SPAG16: variants seen among roughly 807,000 people sequenced by gnomAD.
SPAG16 encodes the protein sperm-associated antigen 16 protein.
A neutral mutation model predicts 80.4 loss-of-function variants in SPAG16; 86 were observed. The ratio of observed to expected loss-of-function variants is 1.07; its 90% CI spans 0.90 to 1.28. The LOEUF (loss-of-function observed/expected upper bound fraction) is 1.28. Among genes scored for constraint, SPAG16 ranks in the 50% most tolerant of loss-of-function variants. SPAG16 has a pLI of 0.00. For synonymous variants in SPAG16, 294 were observed against 265.9 expected, an observed-to-expected ratio of 1.11 and a Z score of -1.03; for missense variants, 870 against 765.3, an observed-to-expected ratio of 1.14 and a Z score of -1.61.
intron 15 of SPAG16, among the ~76,000 whole-genome samples, chr2:214,290,600 A>T (rs545772790): frequency 5.9e-5 from 9 of 152,172 alleles, no homozygotes; most frequent in African/African-American, 1.9e-4. Flanking sequence ...ATTTCAAGAA[A>T]TTTTTTGATT....
intron 13 of SPAG16, among the ~76,000 whole-genome samples, chr2:214,091,040 T>C (rs1368416046): frequency 5.9e-5 from 9 of 152,076 alleles, no homozygotes; most frequent in African/African-American, 1.9e-4. Flanking sequence ...AAATGTTTCA[T>C]GTGTGATAAA....
chr2:213,526,170 T>G (rs1575840130), intron 10 of SPAG16, among the ~76,000 whole-genome samples: 1 of 152,158 alleles, frequency 6.6e-6, no homozygotes, highest in East Asian at 1.9e-4. Flanking sequence ...TTATTCACCC[T>G]CCTATGCACT....
intron 9 of SPAG16, among the ~76,000 whole-genome samples, chr2:213,434,070 G>A (rs1273057314): frequency 6.6e-6 from 1 of 151,732 alleles, no homozygotes; most frequent in Non-Finnish European, 1.5e-5. Context: ...ACAGGCACCC[G>A]CCATGACCGG....
intron 3 of SPAG16, among the ~76,000 whole-genome samples, chr2:213,305,387 A>T (rs1211491197): frequency 6.6e-6 from 1 of 152,114 alleles, no homozygotes; most frequent in Non-Finnish European, 1.5e-5. Flanking sequence ...GACTTCCAGT[A>T]CTATGTTGAA....
intron 15 of SPAG16, among the ~76,000 whole-genome samples, chr2:214,187,626 G>A (rs1219979112): frequency 6.6e-6 from 1 of 151,924 alleles, no homozygotes; most frequent in African/African-American, 2.4e-5. Flanking sequence ...CACTGTAGCA[G>A]AAGACAGCAA....
At chr2:213,981,088 T>A (rs2045725451) in intron 12 of SPAG16, among the ~76,000 whole-genome samples, 1 of 152,078 alleles carries the variant, frequency 6.6e-6, no homozygotes, top group Non-Finnish European at 1.5e-5. Flanking sequence ...CTGACTCACT[T>A]CTTGTTGATA....
intron 11 of SPAG16, among the ~76,000 whole-genome samples, chr2:213,911,611 TTGA>T (rs1251674461): frequency 1.3e-5 from 2 of 152,294 alleles, no homozygotes; most frequent in African/African-American, 4.8e-5. Flanking sequence ...TGTCCCAAAC[TTGA>T]TGATTATTTG....
chr2:213,348,193 C>A (rs1333046758), intron 6 of SPAG16, among the ~76,000 whole-genome samples: 3 of 152,122 alleles, frequency 2.0e-5, no homozygotes, highest in African/African-American at 7.2e-5. Flanking sequence ...TTATCAGAGA[C>A]TAGGATTGCA....
chr2:213,547,937 G>C (rs1463136474), intron 10 of SPAG16, among the ~76,000 whole-genome samples: 1 of 152,024 alleles, frequency 6.6e-6, no homozygotes, highest in Admixed American at 6.6e-5. Context: ...GTAGTATTAC[G>C]TTGTATAATA....
intron 10 of SPAG16, among the ~76,000 whole-genome samples, chr2:213,605,268 ATT>A (rs34856658): frequency 0.062 from 8,634 of 139,288 alleles, 772 homozygotes; most frequent in African/African-American, 0.21. Context: ...TTTGGAATGC[ATT>A]TTTTTTTTTT....
chr2:213,383,138 C>T (rs1310075296), intron 9 of SPAG16, among the ~76,000 whole-genome samples: 4 of 152,114 alleles, frequency 2.6e-5, no homozygotes, highest in African/African-American at 7.2e-5. Flanking sequence ...TAAGATTCTA[C>T]TCCTGTCTCT....
intron 9 of SPAG16, among the ~76,000 whole-genome samples, chr2:213,390,241 G>A (rs768848561): frequency 6.6e-5 from 10 of 152,114 alleles, no homozygotes; most frequent in South Asian, 4.1e-4. Context: ...GAGGGAATGA[G>A]GAGTTACTGT....
At chr2:214,062,746 A>G (rs568910202) in intron 13 of SPAG16, among the ~76,000 whole-genome samples, 5 of 149,488 alleles carry the variant, frequency 3.3e-5, no homozygotes, top group African/African-American at 9.9e-5. Flanking sequence ...TTCTTGCAAC[A>G]TGTGACTCTG....
chr2:214,109,893 T>C (rs780967385), intron 14 of SPAG16, among the ~76,000 whole-genome samples: 3 of 152,204 alleles, frequency 2.0e-5, no homozygotes, highest in Non-Finnish European at 4.4e-5. Context: ...TAGCTTCACA[T>C]GCCCTACAAA....
chr2:213,549,744 C>T (rs956401964), intron 10 of SPAG16, among the ~76,000 whole-genome samples: 2 of 152,132 alleles, frequency 1.3e-5, no homozygotes, highest in Non-Finnish European at 2.9e-5. Flanking sequence ...TCAATATCTG[C>T]TAATATGCAT....
At chr2:214,269,155 C>A (rs976013925) in intron 15 of SPAG16, among the ~76,000 whole-genome samples, 6 of 151,890 alleles carry the variant, frequency 4.0e-5, no homozygotes, top group Non-Finnish European at 5.9e-5. Context: ...ATCTTTGTTT[C>A]AGTTTAAACA....
At chr2:213,408,126 A>C (rs991721675) in intron 9 of SPAG16, among the ~76,000 whole-genome samples, 20 of 137,000 alleles carry the variant, frequency 1.5e-4, no homozygotes, top group African/African-American at 3.1e-4. Flanking sequence ...AGAAAAAAAA[A>C]CAAAAAAACC....
At chr2:213,762,023 T>C (rs916071579) in intron 10 of SPAG16, among the ~76,000 whole-genome samples, 4 of 152,166 alleles carry the variant, frequency 2.6e-5, no homozygotes, top group African/African-American at 4.8e-5. Flanking sequence ...GGATTTCTTC[T>C]TGGAATGCAA....
At chr2:213,970,438 A>T (rs1253948974) in intron 12 of SPAG16, among the ~76,000 whole-genome samples, 1 of 152,012 alleles carries the variant, frequency 6.6e-6, no homozygotes, top group Non-Finnish European at 1.5e-5. Context: ...TGTAGCTGGG[A>T]CTACAGGCGC....
Sources: gnomAD v4.1 joint callset for allele counts (sites outside exome capture counted in the v4.1 genomes callset) on GRCh38, gnomAD v4.1.1 for gene constraint, MANE v1.5 for transcripts, NCBI Gene and HGNC (gene_info 2026-07-23, HGNC 2026-07-21) for gene names.